Variants in FGF13 observed in about 807,000 individuals in gnomAD.
FGF13 encodes the protein fibroblast growth factor homologous factor 2.
A neutral mutation model predicts 19.5 loss-of-function variants in FGF13; 2 were observed. That is an observed-to-expected ratio of 0.10 (90% CI 0.04 to 0.32). The LOEUF is 0.32. Among genes scored for constraint, FGF13 ranks in the 10% least tolerant of loss-of-function variants. The probability of loss-of-function intolerance (pLI) is 1.00; values close to 1 mark genes in which losing one functional copy is unlikely to be tolerated. For synonymous variants in FGF13, 72 were observed against 76.9 expected, an observed-to-expected ratio of 0.94 and a Z score of 0.33; for missense variants, 113 against 192.7, an observed-to-expected ratio of 0.59 and a Z score of 2.45.
intron 1 of FGF13, among the ~76,000 whole-genome samples, chrX:138,899,936 G>A (rs943156278): frequency 3.1e-4 from 34 of 111,385 alleles, no homozygotes; most frequent in African/African-American, 8.1e-4. Flanking sequence ...AGTTATGTAC[G>A]TATATGAATA....
At chrX:138,902,508 A>T (rs1603016710) in intron 1 of FGF13, among the ~76,000 whole-genome samples, 1 of 111,763 alleles carries the variant, frequency 8.9e-6, no homozygotes, top group East Asian at 2.8e-4. Flanking sequence ...GTCTCATTTT[A>T]ACTAATAATT....
At chrX:138,730,992 T>A (rs2090226042) in intron 1 of FGF13, among the ~76,000 whole-genome samples, 1 of 111,456 alleles carries the variant, frequency 9.0e-6, no homozygotes, top group Non-Finnish European at 1.9e-5. Context: ...ATGTCATAAT[T>A]ATAAAATGGT....
chrX:138,953,294 T>C (rs1325770467), intron 1 of FGF13, among the ~76,000 whole-genome samples: 1 of 110,952 alleles, frequency 9.0e-6, no homozygotes, highest in East Asian at 2.9e-4. Context: ...TGGATGAAGC[T>C]GGAAATCATC....
chrX:139,027,671 A>G (rs1322552944), intron 1 of FGF13, among the ~76,000 whole-genome samples: 1 of 112,011 alleles, frequency 8.9e-6, no homozygotes, highest in Non-Finnish European at 1.9e-5. Context: ...TCAAGTTTTC[A>G]TTCAATACTG....
At chrX:138,984,610 AGG>A (rs2091984034) in intron 1 of FGF13, among the ~76,000 whole-genome samples, 2 of 53,468 alleles carry the variant, frequency 3.7e-5, no homozygotes, top group African/African-American at 1.3e-4. Flanking sequence ...GAGGAGGAGG[AGG>A]AGGATGAGGA....
chrX:138,864,561 C>T (rs2091307106), intron 2 of FGF13: 1 of 111,775 alleles, frequency 8.9e-6, no homozygotes, highest in Non-Finnish European at 1.9e-5. Context: ...GGTTGGGGGA[C>T]CCTCTTTCAC....
At chrX:139,196,819 T>C (rs1235336033) in intron 1 of FGF13, among the ~76,000 whole-genome samples, 2 of 112,246 alleles carry the variant, frequency 1.8e-5, no homozygotes, top group African/African-American at 6.5e-5. Flanking sequence ...ATACATTGAA[T>C]GTCCATACAT....
chrX:138,705,956 G>GTGTTTCT lies in FGF13; in HGVS notation c.298+2855_298+2861dup, dbSNP rs767646948. Among the ~76,000 whole-genome samples the GTGTTTCT allele has an allele frequency of 1.7e-3, 188 of 112,271 alleles. 6 individuals are homozygous for GTGTTTCT. In the Admixed American group the frequency reaches 0.018, roughly 11 times the overall value. The stretch of plus-strand genomic sequence containing the variant: ...AAGCTTTTAAAACATAAATGTGCCT[G>GTGTTTCT]TGTTTCTTGTTTGTTCTCTGTTATG... On this transcript the variant is annotated intron_variant, in intron 2 of 4. Transcript: ENST00000315930.
intron 1 of FGF13, among the ~76,000 whole-genome samples, chrX:139,051,076 CCA>C (rs2092302212): frequency 1.8e-5 from 2 of 111,979 alleles, no homozygotes; most frequent in African/African-American, 6.5e-5. Context: ...ACTAAATATA[CCA>C]CACACAGATA....
chrX:139,200,137 G>T (rs1055688188), intron 1 of FGF13, among the ~76,000 whole-genome samples: 2 of 111,677 alleles, frequency 1.8e-5, no homozygotes, highest in African/African-American at 3.3e-5. Context: ...ATGTCAGAGT[G>T]AAAAAAACAA....
chrX:139,054,451 C>T (rs769771501), intron 1 of FGF13, among the ~76,000 whole-genome samples: 6 of 111,394 alleles, frequency 5.4e-5, no homozygotes. Context: ...TATACCAGTA[C>T]CATGCTGTTT....
chrX:139,005,054 C>A (rs747234758), intron 1 of FGF13, among the ~76,000 whole-genome samples: 1 of 111,581 alleles, frequency 9.0e-6, no homozygotes, highest in South Asian at 3.8e-4. Flanking sequence ...GATTGTAGAG[C>A]CCCAGGGCCC....
At chrX:138,840,789 C>T (rs1257920412) in intron 3 of FGF13, among the ~76,000 whole-genome samples, 1 of 111,681 alleles carries the variant, frequency 9.0e-6, no homozygotes, top group African/African-American at 3.3e-5. Flanking sequence ...ACCAACCAAG[C>T]ATTTTCTCTT....
At chrX:139,049,175 G>A (rs940440615) in intron 1 of FGF13, among the ~76,000 whole-genome samples, 2 of 111,267 alleles carry the variant, frequency 1.8e-5, no homozygotes, top group Admixed American at 9.6e-5. Context: ...AATTGAAATC[G>A]TGGAGATAGA....
At chrX:138,772,004 T>A (rs373575337) in intron 3 of FGF13, among the ~76,000 whole-genome samples, 46 of 66,033 alleles carry the variant, frequency 7.0e-4, no homozygotes, top group East Asian at 5.9e-3. Flanking sequence ...AAGCAAATAT[T>A]AAGATACATA....
chrX:138,837,871 C>A (rs1015769063), intron 3 of FGF13, among the ~76,000 whole-genome samples: 14 of 112,471 alleles, frequency 1.2e-4, no homozygotes, highest in Middle Eastern at 4.6e-3. Context: ...AGGGAGTTTT[C>A]AAATCTCTGT....
chrX:138,803,682 G>C (rs964476354), intron 3 of FGF13, among the ~76,000 whole-genome samples: 4 of 112,035 alleles, frequency 3.6e-5, no homozygotes, highest in African/African-American at 1.3e-4. Flanking sequence ...GTATGAAACT[G>C]GTAAGATACT....
downstream of FGF13, among the ~76,000 whole-genome samples, chrX:138,853,746 T>G (rs1016706740): frequency 9.0e-6 from 1 of 111,083 alleles, no homozygotes; most frequent in Non-Finnish European, 1.9e-5. Flanking sequence ...CTATGTTGCA[T>G]TAATTTCTTC....
chrX:139,144,873 A>T (rs1216115757), intron 1 of FGF13, among the ~76,000 whole-genome samples: 1 of 111,752 alleles, frequency 8.9e-6, no homozygotes, highest in Non-Finnish European at 1.9e-5. Flanking sequence ...AAAACAAAAA[A>T]TTTTTAAATA....
Sources: gnomAD v4.1 joint callset for allele counts (sites outside exome capture counted in the v4.1 genomes callset) on GRCh38, gnomAD v4.1.1 for gene constraint, MANE v1.5 for transcripts, NCBI Gene and HGNC (gene_info 2026-07-23, HGNC 2026-07-21) for gene names.